PITPNM2: variants seen among roughly 807,000 people sequenced by gnomAD.
The protein encoded by PITPNM2 is membrane-associated phosphatidylinositol transfer protein 2.
Under a neutral mutation model 132.2 loss-of-function variants are expected in PITPNM2, and 35 were observed. That is an observed-to-expected ratio of 0.26 (90% CI 0.20 to 0.35). The LOEUF (loss-of-function observed/expected upper bound fraction) is 0.35. Ranked by LOEUF, PITPNM2 falls within the 10% of genes least tolerant of loss-of-function variation. The probability of loss-of-function intolerance (pLI) is 1.00; values close to 1 mark genes in which losing one functional copy is unlikely to be tolerated. For missense variants in PITPNM2, 1,332 were observed against 1,912.0 expected, an observed-to-expected ratio of 0.70 and a Z score of 5.66; for synonymous variants, 738 against 799.2, an observed-to-expected ratio of 0.92 and a Z score of 1.29.
intron 2 of PITPNM2, among the ~76,000 whole-genome samples, chr12:123,104,818 T>C (rs568996972): frequency 6.3e-4 from 96 of 152,210 alleles, no homozygotes; most frequent in African/African-American, 2.1e-3. Context: ...ATTGCAATTG[T>C]TTCCCCACAA....
chr12:123,057,748 G>A (rs929062351), intron 2 of PITPNM2, among the ~76,000 whole-genome samples: 5 of 152,176 alleles, frequency 3.3e-5, no homozygotes, highest in Admixed American at 3.3e-4. Context: ...CCACCGCGAC[G>A]CCCACCCCTA....
rs2042508600 is a variant in PITPNM2 at position 123,099,734 on chromosome 12, C to T, written c.-96+10651G>A. Among the ~76,000 whole-genome samples the T allele has an allele frequency of 6.6e-6, 1 of 152,158 alleles. No individual in the cohort carries two copies. Among genetic ancestry groups the T allele is most frequent in the Admixed American group, 6.5e-5 (1 of 15,284 alleles). ...GATGCCTATCCATGCTGGCACTGTT[C>T]CAAGTCCCACCTACAGCCTCTCAGA... On this transcript the variant is annotated intron_variant, in intron 2 of 25. Transcript: ENST00000320201. The surrounding 1 kb of genome is among the most constrained non-coding windows in gnomAD (Gnocchi z 4.2).
rs148014131 is a variant in PITPNM2 at position 123,005,253 on chromosome 12, C to T, written c.939G>A (p.Ser313=). ...QWSTSSKSSR[S]SKRGASPSRH... ...GCAGGGCCTTACCTCCCCGCTTGGA[C>T]GACCGAGACGACTTGGAGGATGTGG... Residue 313 remains serine, a synonymous_variant, in exon 7 of 26, where the codon TCG becomes TCA. Coordinates refer to ENST00000320201, the MANE Select transcript of PITPNM2 (RefSeq NM_020845.3). This position sits in a 1 kb window ranked among gnomAD's most constrained non-coding sequence, Gnocchi z 6.2. 5.7e-4 allele frequency: 919 copies of T among 1,611,806 alleles called. No individual in the cohort carries two copies. Among genetic ancestry groups the T allele is most frequent in the Non-Finnish European group, 7.2e-4 (848 of 1,178,440 alleles).
chr12:123,148,547 G>A (rs1016444913), intron 1 of PITPNM2, among the ~76,000 whole-genome samples: 1 of 152,116 alleles, frequency 6.6e-6, no homozygotes, highest in African/African-American at 2.4e-5. Flanking sequence ...TAGATGGGCT[G>A]GTTAGGAGAG....
rs1423849343 is a variant in PITPNM2, at chr12:123,111,557, G to C, written c.-199-1069C>G. Among the ~76,000 whole-genome samples, 1 of 152,226 alleles carries C rather than the reference G, an allele frequency of 6.6e-6. No homozygotes were observed. The highest frequency in any genetic ancestry group is 1.5e-5 in the Non-Finnish European group (1 of 68,036). On this transcript the variant is annotated intron_variant, in intron 1 of 25. Coordinates refer to ENST00000320201, the MANE Select transcript of PITPNM2 (RefSeq NM_020845.3). This position sits in a 1 kb window ranked among gnomAD's most constrained non-coding sequence, Gnocchi z 4.1. ...GAGGAGGGAGAGTGGAATTGGGGAG[G>C]TGTGAAGATAGCTAGCAATACACAG... is the stretch of plus-strand genomic sequence containing the variant.
At chr12:123,073,686 C>T (rs1046871199) in intron 2 of PITPNM2, among the ~76,000 whole-genome samples, 3 of 152,184 alleles carry the variant, frequency 2.0e-5, no homozygotes, top group Non-Finnish European at 4.4e-5. Context: ...AGAAAGGGAG[C>T]CACTCTGCTC....
Position 123,013,905 on chromosome 12 carries a change from C to A in PITPNM2, c.216G>T (p.Trp72Cys). Reference protein sequence around the residue: ...VYHVGMHIPSWFRSILPKAAL... With the variant: ...VYHVGMHIPSCFRSILPKAAL... ...CTGCCTTGGGCAGGATGGAGCGGAA[C>A]CAGCTGGGAATGTGCATGCCCACAT... is the stretch of plus-strand genomic sequence containing the variant. The change falls in exon 4 of 26, where the codon TGG (tryptophan) becomes TGT (cysteine). Residue 72 changes from tryptophan (W) to cysteine (C), a missense_variant. Physicochemically the swap from Trp to Cys is radical, Grantham distance 215. Coordinates refer to ENST00000320201, the MANE Select transcript of PITPNM2 (RefSeq NM_020845.3). The A allele has an allele frequency of 2.5e-6, 4 of 1,614,264 alleles. No individual in the cohort carries two copies. Among genetic ancestry groups the A allele is most frequent in the Non-Finnish European group, 3.4e-6 (4 of 1,180,056 alleles).
At chr12:123,001,255 C>A (rs574222970) in intron 8 of PITPNM2, 97 bp from the exon 9 acceptor site, 8 of 907,924 alleles carry the variant, frequency 8.8e-6, no homozygotes, top group Non-Finnish European at 1.4e-5. Flanking sequence ...TCTGCTCTGA[C>A]CGTTCCTCAA....
At chr12:122,997,075 T>A (rs1594129735) in intron 11 of PITPNM2, among the ~76,000 whole-genome samples, 165 bp from the exon 12 acceptor site, 1 of 152,292 alleles carries the variant, frequency 6.6e-6, no homozygotes, top group East Asian at 1.9e-4. Context: ...TAAGACCCCA[T>A]GTCTCAGAGG....
At chr12:123,061,018 C>A (rs56140750) in intron 2 of PITPNM2, among the ~76,000 whole-genome samples, 6,423 of 152,044 alleles carry the variant, frequency 0.042, 451 homozygotes, top group African/African-American at 0.14. Flanking sequence ...GTAGCTACCG[C>A]GCCATTCACT....
chr12:122,988,474 C>G (rs2038035183), intron 19 of PITPNM2, 124 bp from the exon 20 acceptor site: 1 of 855,572 alleles, frequency 1.2e-6, no homozygotes, highest in Admixed American at 2.0e-5. Context: ...TGTTCTTCAA[C>G]TCACTACTGT....
chr12:123,061,397 C>A (rs1455954065), intron 2 of PITPNM2, among the ~76,000 whole-genome samples: 2 of 152,242 alleles, frequency 1.3e-5, no homozygotes, highest in African/African-American at 4.8e-5. Flanking sequence ...AAACAGGAAA[C>A]AAGCTCTGGA....
At chr12:123,063,628 G>A (rs928251187) in intron 2 of PITPNM2, among the ~76,000 whole-genome samples, 5 of 152,178 alleles carry the variant, frequency 3.3e-5, no homozygotes, top group African/African-American at 1.2e-4. Flanking sequence ...TGGTCAGAAT[G>A]CAGATGAGAC....
At chr12:123,110,598 G>A (rs73413246) in intron 1 of PITPNM2, 110 bp from the exon 2 acceptor site, 6,501 of 152,456 alleles carry the variant, frequency 0.043, 457 homozygotes, top group African/African-American at 0.15. Context: ...GGATTGAACA[G>A]GGGACATCTG....
chr12:123,070,926 C>T lies in PITPNM2; in HGVS notation c.-95-36241G>A, dbSNP rs201175371. On this transcript the variant is annotated intron_variant, in intron 2 of 25. Transcript: ENST00000320201. ...ATGTCACCGAGTCACCAGGTCAGCC[C>T]TTCCTAGCTGCAAACAGGGGGATGC... Among the ~76,000 whole-genome samples the T allele has an allele frequency of 2.0e-5, 3 of 152,368 alleles. No individual in the cohort carries two copies. The East Asian group carries it at 5.8e-4, about 29-fold the overall frequency.
chr12:123,014,598 AG>A (rs2039350041), intron 3 of PITPNM2, among the ~76,000 whole-genome samples: 1 of 152,184 alleles, frequency 6.6e-6, no homozygotes, highest in Non-Finnish European at 1.5e-5. Flanking sequence ...AGGTACTCAA[AG>A]GCTGAAACAG....
rs2041344164 is a variant in PITPNM2, at chr12:123,064,293, C to T, written c.-95-29608G>A. 6.6e-6 allele frequency among the ~76,000 whole-genome samples: 1 copy of T among 152,190 alleles called. No individual in the cohort carries two copies. The highest frequency in any genetic ancestry group is 6.5e-5 in the Admixed American group (1 of 15,290). On this transcript the variant is annotated intron_variant, in intron 2 of 25. Transcript: ENST00000320201. The surrounding 1 kb of genome is among the most constrained non-coding windows in gnomAD (Gnocchi z 4.0). ...ACTTGGTCAAGGTCATCGGGCAAGT[C>T]AGTAGCAGGGAAGGGATGAGAACTC...
At position 123,078,847 on chromosome 12, in the gene PITPNM2, G is replaced by A. The variant is rs2041868631; in HGVS notation, c.-96+31538C>T. ...CTGCAGCTGCCCACGTCCCAGCTTC[G>A]ATACTGGCTTCAGCCACCTGGCCCC... On this transcript the variant is annotated intron_variant, in intron 2 of 25. Transcript: ENST00000320201. This position sits in a 1 kb window ranked among gnomAD's most constrained non-coding sequence, Gnocchi z 7.3. Among the ~76,000 whole-genome samples, 1 of 152,184 alleles carries A rather than the reference G, an allele frequency of 6.6e-6. No individual in the cohort carries two copies. The highest frequency in any genetic ancestry group is 1.5e-5 in the Non-Finnish European group (1 of 68,030).
At chr12:123,065,810 T>C (rs2041390584) in intron 2 of PITPNM2, among the ~76,000 whole-genome samples, 1 of 152,108 alleles carries the variant, frequency 6.6e-6, no homozygotes. Context: ...AAGGAATGGA[T>C]GGTGGTCAGG....
Sources: gnomAD v4.1 joint callset for allele counts (sites outside exome capture counted in the v4.1 genomes callset) on GRCh38, gnomAD v4.1.1 for gene constraint, Gnocchi (gnomAD v3.1) non-coding constraint, MANE v1.5 for transcripts, NCBI Gene and HGNC (gene_info 2026-07-23, HGNC 2026-07-21) for gene names.